The following CYP20A1 variants were observed in gnomAD, a reference collection of about 807,000 sequenced individuals.
The protein encoded by CYP20A1 is cytochrome P450 20A1.
In CYP20A1, 61 loss-of-function variants were observed where a neutral mutation model predicts 61.4. The observed-to-expected ratio is 0.99, with a 90% CI of 0.81 to 1.23. The LOEUF is 1.23. Among genes scored for constraint, CYP20A1 ranks in the 50% most tolerant of loss-of-function variants. The probability of loss-of-function intolerance (pLI) is 0.00; values close to 1 mark genes in which losing one functional copy is unlikely to be tolerated. For missense variants in CYP20A1, 530 were observed against 542.4 expected (o/e 0.98, Z 0.23); for synonymous variants, 193 against 188.2 (o/e 1.03, Z -0.21).
intron 1 of CYP20A1, among the ~76,000 whole-genome samples, chr2:203,242,054 C>G (rs933979297): frequency 6.6e-6 from 1 of 152,158 alleles, no homozygotes; most frequent in Non-Finnish European, 1.5e-5. Context: ...GTTGGCCAGG[C>G]TGGTTTCGAA....
intron 1 of CYP20A1, among the ~76,000 whole-genome samples, chr2:203,243,354 G>C (rs2066325174): frequency 6.6e-6 from 1 of 151,412 alleles, no homozygotes; most frequent in East Asian, 1.9e-4. Flanking sequence ...GTGTTGGCCA[G>C]GCTGGTCTTG....
chr2:203,292,822 CTT>C (rs766586220), intron 11 of CYP20A1, among the ~76,000 whole-genome samples: 30 of 152,146 alleles, frequency 2.0e-4, no homozygotes, highest in Admixed American at 1.2e-3. Context: ...ATTTGCTACT[CTT>C]TGTCTCTTTT....
chr2:203,262,845 C>T (rs1360497287), intron 4 of CYP20A1, among the ~76,000 whole-genome samples: 1 of 151,190 alleles, frequency 6.6e-6, no homozygotes, highest in Non-Finnish European at 1.5e-5. Context: ...CCTGCCACCA[C>T]GCCCTGCTAT....
intron 2 of CYP20A1, among the ~76,000 whole-genome samples, chr2:203,246,331 A>G (rs550364982): frequency 8.5e-5 from 13 of 152,174 alleles, no homozygotes; most frequent in Non-Finnish European, 1.8e-4. Flanking sequence ...AAAACATTTC[A>G]TTGCTTTCAC....
intron 3 of CYP20A1, 124 bp from the exon 4 acceptor site, chr2:203,251,843 A>C: frequency 6.2e-6 from 2 of 322,778 alleles, no homozygotes; most frequent in African/African-American, 2.4e-5. Context: ...AAACAAGGGA[A>C]TTATGAAAAA....
intron 4 of CYP20A1, among the ~76,000 whole-genome samples, chr2:203,254,399 G>T (rs1255976665): frequency 1.3e-5 from 2 of 151,958 alleles, no homozygotes; most frequent in African/African-American, 4.8e-5. Context: ...ACAAAAATTA[G>T]CTGCGTGTGG....
Position 203,296,570 on chromosome 2 carries a change from A to G in CYP20A1, c.1238+7A>G, listed in dbSNP as rs2068806058. 1 of 1,598,010 alleles carries G rather than the reference A, an allele frequency of 6.3e-7. No homozygotes were observed. Among genetic ancestry groups the G allele is most frequent in the Non-Finnish European group, 8.6e-7 (1 of 1,168,300 alleles). The stretch of plus-strand genomic sequence containing the variant: ...AGGAGTGTCCAGAGTTGAGGTGAAT[A>G]ATAGAATGCCAGACTCTGTTCTTAG... On this transcript the variant is annotated splice_region_variant and intron_variant, in intron 12 of 12. Transcript: ENST00000356079.
chr2:203,277,354 A>AAAAG (rs1553517218), intron 6 of CYP20A1, among the ~76,000 whole-genome samples: 61 of 147,716 alleles, frequency 4.1e-4, no homozygotes, highest in Admixed American at 3.4e-4. Flanking sequence ...TCTCAAAAAA[A>AAAAG]AAAAGAAAAA....
At chr2:203,290,619 T>C (rs961237666) in intron 10 of CYP20A1, among the ~76,000 whole-genome samples, 8 of 152,216 alleles carry the variant, frequency 5.3e-5, no homozygotes, top group Admixed American at 2.6e-4. Flanking sequence ...TAATATTCCA[T>C]TGTGTGAATG....
intron 1 of CYP20A1, among the ~76,000 whole-genome samples, chr2:203,244,171 C>T (rs902535882): frequency 3.9e-5 from 6 of 151,990 alleles, no homozygotes; most frequent in African/African-American, 1.4e-4. Flanking sequence ...CCTTCCCACC[C>T]ACTCAAGAAA....
At chr2:203,294,328 G>A (rs1219773187) in intron 11 of CYP20A1, among the ~76,000 whole-genome samples, 5 of 151,692 alleles carry the variant, frequency 3.3e-5, no homozygotes, top group African/African-American at 1.2e-4. Flanking sequence ...ACCTGAGGTC[G>A]GGGGTTTGAG....
intron 4 of CYP20A1, among the ~76,000 whole-genome samples, chr2:203,262,363 G>T (rs557973351): frequency 6.6e-6 from 1 of 152,208 alleles, no homozygotes; most frequent in South Asian, 2.1e-4. Flanking sequence ...AGACCTGCAA[G>T]TCTATTAACA....
rs2068973600 is a variant in CYP20A1, at chr2:203,300,366, A to G, written c.*3458A>G. ...TTCACTGTTTTTCTTCACAGTAAGA[A>G]TGACAAAAATCTGTGTTCTTTGTAC... On this transcript the variant is annotated 3_prime_UTR_variant, in exon 13 of 13. Transcript: ENST00000356079. Among the ~76,000 whole-genome samples, 1 of 152,226 alleles carries G rather than the reference A, an allele frequency of 6.6e-6. No individual in the cohort carries two copies. Among genetic ancestry groups the G allele is most frequent in the African/African-American group, 2.4e-5 (1 of 41,456 alleles).
chr2:203,240,817 C>CT (rs1020010831), intron 1 of CYP20A1, among the ~76,000 whole-genome samples: 16 of 152,230 alleles, frequency 1.1e-4, no homozygotes, highest in African/African-American at 3.9e-4. Flanking sequence ...ACTTGTAAGG[C>CT]TTTTTTAATG....
In CYP20A1 at chr2:203,294,991, C is replaced by T. The variant is rs1263626359; in HGVS notation, c.1149-1483C>T. The stretch of plus-strand genomic sequence containing the variant: ...TTTTTGAGACAGAGTCTCACTCTGT[C>T]GCCCAGGCTGGAGTACAGTGGCGCG... On this transcript the variant is annotated intron_variant, in intron 11 of 12. Transcript: ENST00000356079. 4.3e-5 allele frequency among the ~76,000 whole-genome samples: 4 copies of T among 92,410 alleles called. No homozygotes were observed. In the South Asian group the frequency reaches 1.2e-3, roughly 28 times the overall value. The allele number at this position is 92,410 out of a possible 152,430, so 60.6% of individuals were successfully genotyped here.
intron 1 of CYP20A1, among the ~76,000 whole-genome samples, chr2:203,244,448 C>G (rs913603468): frequency 6.6e-6 from 1 of 152,100 alleles, no homozygotes; most frequent in Non-Finnish European, 1.5e-5. Context: ...GATCATCCAC[C>G]TCAGCCTCCA....
chr2:203,276,525 AAGG>A (rs1441690175), intron 6 of CYP20A1, among the ~76,000 whole-genome samples: 4 of 152,148 alleles, frequency 2.6e-5, no homozygotes, highest in Non-Finnish European at 2.9e-5. Flanking sequence ...AGAAAAAAAA[AAGG>A]AGGAAGAAAA....
intron 3 of CYP20A1, among the ~76,000 whole-genome samples, chr2:203,247,386 G>A (rs1245364758): frequency 1.3e-5 from 2 of 152,060 alleles, no homozygotes; most frequent in African/African-American, 4.8e-5. Flanking sequence ...ATGTCTTATT[G>A]CCTAATTTAA....
chr2:203,239,575 A>G (rs947125997), intron 1 of CYP20A1, among the ~76,000 whole-genome samples: 20 of 152,134 alleles, frequency 1.3e-4, no homozygotes, highest in Non-Finnish European at 2.4e-4. Flanking sequence ...TTCTCCCAGC[A>G]CTTGTGTATT....
Sources: allele counts gnomAD v4.1 joint callset (sites outside exome capture counted in the v4.1 genomes callset), GRCh38; gene constraint gnomAD v4.1.1; transcripts MANE v1.5; gene names NCBI Gene and HGNC (gene_info 2026-07-23, HGNC 2026-07-21).